The following CTCF variants were observed in gnomAD, a reference collection of about 807,000 sequenced individuals.
CTCF encodes transcriptional repressor CTCF.
CTCF carries 7 observed loss-of-function variants against 72.3 expected under a neutral mutation model. That is an observed-to-expected ratio of 0.10 (90% CI 0.06 to 0.18). The LOEUF (loss-of-function observed/expected upper bound fraction) is 0.18. Ranked by LOEUF, CTCF falls within the 10% of genes least tolerant of loss-of-function variation. The pLI is 1.00. For missense variants in CTCF, 516 were observed against 949.1 expected, an observed-to-expected ratio of 0.54 and a Z score of 6.00; for synonymous variants, 374 against 315.8, an observed-to-expected ratio of 1.18 and a Z score of -1.95.
chr16:67,626,743 T>C, intron 8 of CTCF, 28 bp downstream of exon 8: 1 of 1,384,750 alleles, frequency 7.2e-7, no homozygotes, highest in South Asian at 1.9e-5. Context: ...AAGTTGTTGG[T>C]GCTTTCTCGG....
At chr16:67,612,895 G>GCTA (rs1232241656) in intron 4 of CTCF, among the ~76,000 whole-genome samples, 3 of 149,412 alleles carry the variant, frequency 2.0e-5, no homozygotes, top group African/African-American at 7.4e-5. Flanking sequence ...CTGAGATAGT[G>GCTA]CTACTGCACT....
rs139409951 is a variant in CTCF at position 67,628,081 on chromosome 16, C to T, written c.1519-289C>T. On this transcript the variant is annotated intron_variant, in intron 8 of 11. Coordinates refer to ENST00000264010, the MANE Select transcript of CTCF (RefSeq NM_006565.4). ...CTGCACTCCATCCTGGGCGATAGAG[C>T]GAGACTCCGTCTCAAAAAAAAAACA... 5.4e-3 allele frequency among the ~76,000 whole-genome samples: 811 copies of T among 151,466 alleles called. 1 individual carries two copies. Among genetic ancestry groups the T allele is most frequent in the Non-Finnish European group, 9.8e-3 (664 of 67,890 alleles).
chr16:67,598,736 T>G (rs1015301598), intron 2 of CTCF, among the ~76,000 whole-genome samples: 20 of 152,386 alleles, frequency 1.3e-4, no homozygotes, highest in African/African-American at 4.8e-4. Context: ...CTGTAGGGGA[T>G]AAGGCCGTGT....
intron 1 of CTCF, 169 bp from the exon 2 acceptor site, chr16:67,570,979 C>CTT (rs1567590161): frequency 6.6e-6 from 1 of 152,028 alleles, no homozygotes; most frequent in Non-Finnish European, 1.5e-5. Context: ...TTGTTATTGG[C>CTT]TTGATGGTGG....
chr16:67,604,140 A>G (rs1339533104), intron 2 of CTCF, among the ~76,000 whole-genome samples: 2 of 151,426 alleles, frequency 1.3e-5, no homozygotes, highest in East Asian at 1.9e-4. Context: ...AAAAAAAAAA[A>G]AAAAAGAAAA....
chr16:67,627,904 CA>C (rs1567615787), intron 8 of CTCF: 1 of 120,938 alleles, frequency 8.3e-6, no homozygotes, highest in East Asian at 2.4e-4. Context: ...GCCTGGGCGA[CA>C]GAGTGAGACT....
chr16:67,634,672 C>T (rs528848784), intron 10 of CTCF, among the ~76,000 whole-genome samples: 2 of 151,780 alleles, frequency 1.3e-5, no homozygotes, highest in East Asian at 1.9e-4. Flanking sequence ...CACACACCAC[C>T]GTGTCCTGCT....
rs1310767215 is a variant in CTCF at position 67,629,385 on chromosome 16, T to C, written c.1702-13T>C. The C allele has an allele frequency of 6.3e-7, 1 of 1,592,012 alleles. No homozygotes were observed. The highest frequency in any genetic ancestry group is 1.8e-5 in the Admixed American group (1 of 54,168). On this transcript the variant is annotated splice_polypyrimidine_tract_variant and intron_variant, in intron 9 of 11. Coordinates refer to ENST00000264010, the MANE Select transcript of CTCF (RefSeq NM_006565.4). ...TTTAGTGGTGTGAAAGAGGATTTTGTTCTTTTTGTTAGAATACCATGGCAA... is the reference window on the plus strand; with the variant it reads ...TTTAGTGGTGTGAAAGAGGATTTTGCTCTTTTTGTTAGAATACCATGGCAA...
rs555769313 is a variant in CTCF at position 67,601,156 on chromosome 16, C to T, written c.-9-9668C>T. ...GTTACTTATTGATTCAGAGGAGAGA[C>T]TCCCATCGTCTGGAAAGAAAGTAAA... On this transcript the variant is annotated intron_variant, in intron 2 of 11. Transcript: ENST00000264010. Among the ~76,000 whole-genome samples the T allele has an allele frequency of 3.9e-5, 6 of 151,932 alleles. No individual in the cohort carries two copies. In the South Asian group the frequency reaches 1.2e-3, roughly 32 times the overall value.
chr16:67,622,758 C>T (rs990330978), intron 7 of CTCF, among the ~76,000 whole-genome samples: 3 of 151,282 alleles, frequency 2.0e-5, no homozygotes, highest in Non-Finnish European at 4.4e-5. Context: ...ATTCTCCTGC[C>T]TCAGCCTCCT....
chr16:67,586,212 C>G (rs529288590), intron 2 of CTCF, among the ~76,000 whole-genome samples: 1 of 152,008 alleles, frequency 6.6e-6, no homozygotes, highest in African/African-American at 2.4e-5. Context: ...AACAGCCTGG[C>G]CAACATAGAA....
intron 2 of CTCF, among the ~76,000 whole-genome samples, chr16:67,593,576 G>A (rs528915915): frequency 1.3e-5 from 2 of 152,158 alleles, no homozygotes; most frequent in South Asian, 2.1e-4. Flanking sequence ...CTGAGGGTTC[G>A]TATCAACCTC....
chr16:67,606,553 A>G (rs1173802531), intron 2 of CTCF, among the ~76,000 whole-genome samples: 1 of 151,964 alleles, frequency 6.6e-6, no homozygotes, highest in African/African-American at 2.4e-5. Context: ...AGGTAATGTC[A>G]TTCTCTCTGT....
chr16:67,623,879 C>G lies in CTCF; in HGVS notation c.1357+2288C>G, dbSNP rs572949183. Among the ~76,000 whole-genome samples, 4 of 152,128 alleles carry G rather than the reference C, an allele frequency of 2.6e-5. No individual in the cohort carries two copies. The East Asian group carries it at 7.7e-4, about 29-fold the overall frequency. On this transcript the variant is annotated intron_variant, in intron 7 of 11. Coordinates refer to ENST00000264010, the MANE Select transcript of CTCF (RefSeq NM_006565.4). ...CCTGGCTAACACAGTGAAACCCCATCTCTACTAAAAATACAAAAATTAGCC... is the reference window on the plus strand; with the variant it reads ...CCTGGCTAACACAGTGAAACCCCATGTCTACTAAAAATACAAAAATTAGCC...
At chr16:67,570,774 C>G (rs887976830) in intron 1 of CTCF, 70 of 136,362 alleles carry the variant, frequency 5.1e-4, no homozygotes, top group African/African-American at 1.9e-3. Context: ...GACAAGATCT[C>G]TCACTCTGTC....
At chr16:67,575,954 A>T (rs74941694) in intron 2 of CTCF, among the ~76,000 whole-genome samples, 1,925 of 151,040 alleles carry the variant, frequency 0.013, 43 homozygotes, top group African/African-American at 0.044. Context: ...AAAAAGATGA[A>T]TGTCAGCCTG....
chr16:67,589,579 C>T (rs536298872), intron 2 of CTCF, among the ~76,000 whole-genome samples: 1 of 152,114 alleles, frequency 6.6e-6, no homozygotes, highest in Non-Finnish European at 1.5e-5. Flanking sequence ...ACTCATCACA[C>T]TATATAGCTG....
chr16:67,587,213 C>T (rs993063459), intron 2 of CTCF, among the ~76,000 whole-genome samples: 8 of 150,978 alleles, frequency 5.3e-5, no homozygotes, highest in Non-Finnish European at 1.0e-4. Flanking sequence ...CCTCTTGCCT[C>T]GGCCTCCTGC....
rs1217626102 is a variant in CTCF at position 67,637,299 on chromosome 16, AG to A, written c.2000-387del. 6.6e-5 allele frequency among the ~76,000 whole-genome samples: 10 copies of A among 152,352 alleles called. No individual in the cohort carries two copies. In the East Asian group the frequency reaches 1.5e-3, roughly 24 times the overall value. ...GTGATCCCAGCACTTTGGGGGGCCA[AG>A]GCGGGAGGATCACCTGAGGTCAGTA... On this transcript the variant is annotated intron_variant, in intron 11 of 11. Transcript: ENST00000264010.
Sources: allele counts gnomAD v4.1 joint callset (sites outside exome capture counted in the v4.1 genomes callset), GRCh38; gene constraint gnomAD v4.1.1; transcripts MANE v1.5; gene names NCBI Gene and HGNC (gene_info 2026-07-23, HGNC 2026-07-21).